PCDHA3: variants seen among roughly 807,000 people sequenced by gnomAD.
PCDHA3 encodes the protein protocadherin alpha 3, also known as protocadherin alpha-3.
Under a neutral mutation model 62.2 loss-of-function variants are expected in PCDHA3, and 41 were observed. The ratio of observed to expected loss-of-function variants is 0.66; its 90% CI spans 0.51 to 0.86. PCDHA3 has a LOEUF of 0.86. Ranked by LOEUF, PCDHA3 falls within the 40% of genes least tolerant of loss-of-function variation. PCDHA3 has a pLI of 0.00. For missense variants in PCDHA3, 1,304 were observed against 1,241.2 expected, an observed-to-expected ratio of 1.05 and a Z score of -0.76; for synonymous variants, 640 against 555.4, an observed-to-expected ratio of 1.15 and a Z score of -2.14.
At chr5:140,906,253 A>ACCTC (rs1329710908) in intron 1 of PCDHA3, among the ~76,000 whole-genome samples, 2 of 152,064 alleles carry the variant, frequency 1.3e-5, no homozygotes, top group African/African-American at 4.8e-5. Flanking sequence ...ACCCATACAC[A>ACCTC]CCTCCTGAAA....
At chr5:140,984,132 G>A (rs1395953013) in intron 3 of PCDHA3, among the ~76,000 whole-genome samples, 1 of 152,240 alleles carries the variant, frequency 6.6e-6, no homozygotes, top group African/African-American at 2.4e-5. Context: ...GTTGCAGGAT[G>A]TGGAGGCATC....
chr5:141,000,887 AAC>A (rs1554257872), intron 3 of PCDHA3, among the ~76,000 whole-genome samples: 4 of 152,188 alleles, frequency 2.6e-5, no homozygotes. Context: ...CAACCTGGGC[AAC>A]AGATATAGAC....
chr5:140,979,102 C>T (rs1263848262), intron 2 of PCDHA3, 95 bp downstream of exon 2: 1 of 1,541,684 alleles, frequency 6.5e-7, no homozygotes, highest in Non-Finnish European at 8.7e-7. Flanking sequence ...GCTGTCAAAA[C>T]TAAAAAGCTT....
intron 1 of PCDHA3, among the ~76,000 whole-genome samples, chr5:140,821,351 T>C (rs1324284544): frequency 1.3e-5 from 2 of 152,246 alleles, no homozygotes; most frequent in Admixed American, 6.5e-5. Context: ...TTCATGACTT[T>C]AGATGTATTT....
intron 1 of PCDHA3, chr5:140,876,989 G>A (rs781957201): frequency 6.2e-7 from 1 of 1,612,664 alleles, no homozygotes. Context: ...GCACTGTCGA[G>A]CTACGTGTCG....
rs925293774 is a variant in PCDHA3, at chr5:140,801,178, A to G, written c.-20A>G. 1.9e-6 allele frequency: 3 copies of G among 1,570,718 alleles called. No individual in the cohort carries two copies. Among genetic ancestry groups the G allele is most frequent in the African/African-American group, 1.4e-5 (1 of 73,144 alleles). The stretch of plus-strand genomic sequence containing the variant: ...TTTGGATCAATGTAAAGGCAATCTA[A>G]TATTTGGAAAATACTTGCAATGTTG... On this transcript the variant is annotated 5_prime_UTR_variant, in exon 1 of 4. Transcript: ENST00000522353.
chr5:140,829,322 A>G, intron 1 of PCDHA3: 1 of 1,614,248 alleles, frequency 6.2e-7, no homozygotes, highest in Non-Finnish European at 8.5e-7. Flanking sequence ...GGTGCTGGAC[A>G]GTGCCCTGGA....
At chr5:140,951,682 C>T (rs1327606119) in intron 1 of PCDHA3, among the ~76,000 whole-genome samples, 1 of 152,146 alleles carries the variant, frequency 6.6e-6, no homozygotes, top group East Asian at 1.9e-4. Flanking sequence ...TTGGGGATTA[C>T]AATGTGACAT....
At chr5:140,857,658 G>A (rs17844344) in intron 1 of PCDHA3, 3 of 1,596,790 alleles carry the variant, frequency 1.9e-6, no homozygotes, top group East Asian at 2.2e-5. Context: ...GTGAGCGCGC[G>A]CGATGGGGGC....
intron 1 of PCDHA3, among the ~76,000 whole-genome samples, chr5:140,946,263 G>T (rs1168857420): frequency 6.6e-6 from 1 of 151,750 alleles, no homozygotes; most frequent in East Asian, 1.9e-4. Flanking sequence ...AGAAAAATGC[G>T]AATTAAAACC....
rs1554263423 is a variant in PCDHA3 at position 141,011,323 on chromosome 5, C to T, written c.*1386C>T. 1 of 153,686 alleles carries T rather than the reference C, an allele frequency of 6.5e-6. No individual in the cohort carries two copies. The highest frequency in any genetic ancestry group is 1.5e-5 in the Non-Finnish European group (1 of 68,036). The allele number at this position is 153,686 out of a possible 1,614,324, so 9.5% of individuals were successfully genotyped here. A position where few individuals can be genotyped will look rare whatever the true frequency, so the allele number is the denominator to read the frequency against. ...TCTGAATTGCTAATCTTACTAACACCTATGATGTTACCTGAAATCAATCTC... is the reference window on the plus strand; with the variant it reads ...TCTGAATTGCTAATCTTACTAACACTTATGATGTTACCTGAAATCAATCTC... On this transcript the variant is annotated 3_prime_UTR_variant, in exon 4 of 4. Transcript: ENST00000522353.
rs7702779 is a variant in PCDHA3, at chr5:140,808,438, C to T, written c.2394+4847C>T. 9.9e-3 allele frequency: 16,033 copies of T among 1,614,150 alleles called. 1,356 individuals are homozygous for T. In the African/African-American group the frequency reaches 0.19, roughly 19 times the overall value. ...TGGACAGTGCCCTGGACCGCGAGAG[C>T]GTGTCAGCCTATGAGCTGGTGGTGA... On this transcript the variant is annotated intron_variant, in intron 1 of 3. Transcript: ENST00000522353.
chr5:141,006,338 A>G (rs1201287903), intron 3 of PCDHA3, among the ~76,000 whole-genome samples: 13 of 151,820 alleles, frequency 8.6e-5, no homozygotes, highest in African/African-American at 3.1e-4. Flanking sequence ...CAGCCTCCTG[A>G]GTAGCTGGGA....
chr5:140,986,345 C>T (rs1442253492), intron 3 of PCDHA3, among the ~76,000 whole-genome samples: 2 of 152,172 alleles, frequency 1.3e-5, no homozygotes, highest in African/African-American at 4.8e-5. Flanking sequence ...GTTGCAGCCT[C>T]TTCTTCAGAT....
At chr5:140,997,251 G>T (rs1217959179) in intron 3 of PCDHA3, among the ~76,000 whole-genome samples, 2 of 152,060 alleles carry the variant, frequency 1.3e-5, no homozygotes, top group Non-Finnish European at 2.9e-5. Context: ...TTACTTTAGG[G>T]TTCACTCTTC....
At chr5:140,913,203 G>A (rs2076251339) in intron 1 of PCDHA3, among the ~76,000 whole-genome samples, 1 of 152,182 alleles carries the variant, frequency 6.6e-6, no homozygotes, top group African/African-American at 2.4e-5. Flanking sequence ...TGGCAGTGAA[G>A]CCAATGGGTC....
At chr5:140,900,713 G>A (rs1367112592) in intron 1 of PCDHA3, among the ~76,000 whole-genome samples, 1 of 152,194 alleles carries the variant, frequency 6.6e-6, no homozygotes, top group Non-Finnish European at 1.5e-5. Context: ...TGGAAAGAAA[G>A]GAAATCCTAC....
intron 1 of PCDHA3, chr5:140,854,178 A>AAAAATT: frequency 1.9e-6 from 1 of 531,180 alleles, no homozygotes; most frequent in Non-Finnish European, 2.4e-6. Flanking sequence ...AAAAAAAAAG[A>AAAAATT]GTAGTTTAAC....
rs1246867400 is a variant in PCDHA3, at chr5:140,885,558, AATTG to A, written c.2394+81972_2394+81975del. Among the ~76,000 whole-genome samples, 8 of 152,258 alleles carry A rather than the reference AATTG, an allele frequency of 5.3e-5. No individual in the cohort carries two copies. The South Asian group carries it at 1.0e-3, about 20-fold the overall frequency. On this transcript the variant is annotated intron_variant, in intron 1 of 3. Coordinates refer to ENST00000522353, the MANE Select transcript of PCDHA3 (RefSeq NM_018906.3). Reference sequence around the variant, plus strand: ...CAAAATATTGGTGTTATTTCTACGAAATTGATTGTCAGATGTGGAATTGATGCAT... The same window carrying A: ...CAAAATATTGGTGTTATTTCTACGAAATTGTCAGATGTGGAATTGATGCAT...
Sources: allele counts gnomAD v4.1 joint callset (sites outside exome capture counted in the v4.1 genomes callset), GRCh38; gene constraint gnomAD v4.1.1; transcripts MANE v1.5; gene names NCBI Gene and HGNC (gene_info 2026-07-23, HGNC 2026-07-21).